The following RANBP2 variants were observed in gnomAD, a reference collection of about 807,000 sequenced individuals.
The protein encoded by RANBP2 is E3 SUMO-protein ligase RanBP2.
In RANBP2, 57 loss-of-function variants were observed where a neutral mutation model predicts 303.6. The ratio of observed to expected loss-of-function variants is 0.19; its 90% CI spans 0.15 to 0.23. The LOEUF (loss-of-function observed/expected upper bound fraction) is 0.23, where lower values mean the gene tolerates loss of function less well. RANBP2 is among the 10% of genes least tolerant of loss of function. The pLI is 1.00. For synonymous variants in RANBP2, 1,167 were observed against 1,301.5 expected (o/e 0.90, Z 2.23); for missense variants, 3,138 against 3,780.8 (o/e 0.83, Z 4.46).
chr2:109,569,833 T>C, the RANBP2 span, among the ~76,000 whole-genome samples: 1 of 148,802 alleles, frequency 6.7e-6, no homozygotes, highest in African/African-American at 2.6e-5. Context: ...AGAGGGTCGC[T>C]TGTCACCAAT....
chr2:109,209,081 C>T, the RANBP2 span, among the ~76,000 whole-genome samples: 3 of 152,194 alleles, frequency 2.0e-5, no homozygotes, highest in Admixed American at 1.3e-4. Flanking sequence ...CAGCCAGTAC[C>T]TTAAACAAAA....
chr2:109,498,709 T>C, the RANBP2 span, among the ~76,000 whole-genome samples: 1 of 152,060 alleles, frequency 6.6e-6, no homozygotes, highest in African/African-American at 2.4e-5. Flanking sequence ...TCCTGAAGTA[T>C]GTGAGCCACA....
At chr2:108,915,008 G>A in the RANBP2 span, among the ~76,000 whole-genome samples, 2 of 152,344 alleles carry the variant, frequency 1.3e-5, no homozygotes, top group South Asian at 2.1e-4. Flanking sequence ...TGCCTCCTGG[G>A]CTCAAGTGAT....
the RANBP2 span, among the ~76,000 whole-genome samples, chr2:109,223,092 C>CTAA: frequency 4.6e-5 from 7 of 152,380 alleles, no homozygotes; most frequent in East Asian, 1.3e-3. Context: ...GATGCTTCTC[C>CTAA]ATCCCAGACA....
the RANBP2 span, among the ~76,000 whole-genome samples, chr2:109,302,938 A>T: frequency 6.6e-6 from 1 of 152,036 alleles, no homozygotes; most frequent in East Asian, 1.9e-4. Context: ...GTGCAGTGGC[A>T]TGATCTTAGC....
Position 108,766,340 on chromosome 2 carries a change from G to A in RANBP2, c.5801G>A (p.Arg1934His), listed in dbSNP as rs149692552. 1.1e-4 allele frequency: 178 copies of A among 1,611,996 alleles called. No homozygotes were observed. In the African/African-American group the frequency reaches 2.1e-3, roughly 19 times the overall value. ...AQDISGQKNG[R>H]GVIFGQTSST... Reference sequence around the variant, plus strand: ...GATATTAGTGGCCAGAAGAATGGCCGTGGTGTGATTTTTGGCCAAACAAGT... The same window carrying A: ...GATATTAGTGGCCAGAAGAATGGCCATGGTGTGATTTTTGGCCAAACAAGT... The change falls in exon 20 of 29, where the codon CGT (arginine) becomes CAT (histidine). Residue 1934 changes from arginine (R) to histidine (H), a missense_variant. By Grantham distance (29) the Arg-to-His change is conservative (BLOSUM62 0). Around this residue, in one of 20 missense-constraint regions of RANBP2, gnomAD observed 348 missense variants for 360.4 expected, o/e 0.97. Coordinates refer to ENST00000283195, the MANE Select transcript of RANBP2 (RefSeq NM_006267.5).
At chr2:109,799,231 C>G in the RANBP2 span, among the ~76,000 whole-genome samples, 4 of 133,804 alleles carry the variant, frequency 3.0e-5, no homozygotes, top group African/African-American at 1.2e-4. Flanking sequence ...GAGCAAGACT[C>G]CATCTCAAAA....
At chr2:108,848,778 T>G in the RANBP2 span, among the ~76,000 whole-genome samples, 1 of 152,168 alleles carries the variant, frequency 6.6e-6, no homozygotes, top group Non-Finnish European at 1.5e-5. Flanking sequence ...AATAATTTAT[T>G]TAATAAATCA....
chr2:109,500,354 C>T, the RANBP2 span, among the ~76,000 whole-genome samples: 1 of 152,126 alleles, frequency 6.6e-6, no homozygotes, highest in Non-Finnish European at 1.5e-5. Context: ...CCAGAGAGCC[C>T]CTGGGGTGCA....
the RANBP2 span, chr2:109,552,592 G>A: frequency 6.4e-6 from 1 of 157,072 alleles, no homozygotes; most frequent in African/African-American, 2.4e-5. Context: ...CATACACTGT[G>A]TTGCCACTGT....
At chr2:108,722,589 T>A (rs1694354485) in intron 1 of RANBP2, among the ~76,000 whole-genome samples, 1 of 149,416 alleles carries the variant, frequency 6.7e-6, no homozygotes, top group African/African-American at 2.5e-5. Flanking sequence ...GTGCTTTCAT[T>A]TGTTAGTCTT....
chr2:108,723,473 C>T (rs1005945089), intron 1 of RANBP2, among the ~76,000 whole-genome samples: 8 of 151,988 alleles, frequency 5.3e-5, no homozygotes, highest in Non-Finnish European at 1.0e-4. Context: ...GACGGGGTTT[C>T]ACCGTGTTAG....
the RANBP2 span, among the ~76,000 whole-genome samples, chr2:109,303,291 C>A: frequency 2.0e-5 from 3 of 152,214 alleles, no homozygotes; most frequent in African/African-American, 7.2e-5. Context: ...GAATTTGGAA[C>A]GTCCATCCAT....
At chr2:108,918,639 C>T in the RANBP2 span, among the ~76,000 whole-genome samples, 9 of 152,260 alleles carry the variant, frequency 5.9e-5, no homozygotes, top group Non-Finnish European at 8.8e-5. Flanking sequence ...AGTGGTGACT[C>T]CGGGGAGGGT....
chr2:109,437,759 T>G, the RANBP2 span, among the ~76,000 whole-genome samples: 1 of 151,972 alleles, frequency 6.6e-6, no homozygotes, highest in Non-Finnish European at 1.5e-5. Context: ...TGTTGTGAGA[T>G]GAAAAGAAAT....
downstream of RANBP2, chr2:108,786,646 G>C: frequency 4.8e-6 from 3 of 626,486 alleles, no homozygotes; most frequent in Admixed American, 2.8e-5. Context: ...GAGAAACTTG[G>C]AGGACGCGCT....
At chr2:109,502,612 G>A in the RANBP2 span, 1 of 152,184 alleles carries the variant, frequency 6.6e-6, no homozygotes, top group Non-Finnish European at 1.5e-5. Flanking sequence ...CTTGGAAGCA[G>A]CCGGTTTCTT....
At chr2:109,610,444 G>A in the RANBP2 span, among the ~76,000 whole-genome samples, 1 of 152,202 alleles carries the variant, frequency 6.6e-6, no homozygotes, top group African/African-American at 2.4e-5. Flanking sequence ...GCCGGGCATG[G>A]TGGCTCACGC....
intron 12 of RANBP2, among the ~76,000 whole-genome samples, chr2:108,752,589 C>T (rs1323818437): frequency 2.1e-4 from 28 of 133,340 alleles, no homozygotes; most frequent in Middle Eastern, 4.8e-3. Context: ...CTGGCTAACA[C>T]GGTGAAACCC....
Sources: gnomAD v4.1 joint callset for allele counts (sites outside exome capture counted in the v4.1 genomes callset) on GRCh38, gnomAD v4.1.1 for gene constraint, gnomAD v4.1.1 regional missense constraint, MANE v1.5 for transcripts, NCBI Gene and HGNC (gene_info 2026-07-23, HGNC 2026-07-21) for gene names.